THEMIS: variants seen among roughly 807,000 people sequenced by gnomAD.
THEMIS encodes the protein thymocyte selection associated, also known as protein THEMIS.
Under a neutral mutation model 52.6 loss-of-function variants are expected in THEMIS, and 37 were observed. That is an observed-to-expected ratio of 0.70 (90% CI 0.54 to 0.93). THEMIS has a LOEUF of 0.93. Ranked by LOEUF, THEMIS falls within the 40% of genes least tolerant of loss-of-function variation. The pLI is 0.00. For missense variants in THEMIS, 808 were observed against 763.1 expected, an observed-to-expected ratio of 1.06 and a Z score of -0.69; for synonymous variants, 292 against 272.7, an observed-to-expected ratio of 1.07 and a Z score of -0.70.
intron 4 of THEMIS, among the ~76,000 whole-genome samples, chr6:127,782,970 G>A (rs1241607030): frequency 2.0e-5 from 3 of 152,130 alleles, no homozygotes; most frequent in South Asian, 2.1e-4. Flanking sequence ...GAGGTATGAT[G>A]CTACCTGACT....
rs763925728 is a variant in THEMIS at position 127,813,542 on chromosome 6, C to T, written c.1099G>A (p.Val367Met). 7.4e-6 allele frequency: 12 copies of T among 1,613,068 alleles called. No homozygotes were observed. The highest frequency in any genetic ancestry group is 6.7e-5 in the East Asian group (3 of 44,868). The change falls in exon 4 of 6, where the codon GTG becomes ATG. Residue 367 changes from valine (V) to methionine (M), a missense_variant. Transcript: ENST00000368248. ...IAKSEKEPLH[V>M]VATKAFHSPH... The stretch of plus-strand genomic sequence containing the variant: ...GAATGAAACGCTTTGGTGGCCACCA[C>T]GTGAAGAGGCTCCTTTTCACTCTTA...
In THEMIS at chr6:127,709,755, C is replaced by T; in HGVS notation, c.*230G>A. ...ATAAATACGTCCTAAAGAACAACAACACAATGCCTACAGATTTAGACACAA... is the reference window on the plus strand; with the variant it reads ...ATAAATACGTCCTAAAGAACAACAATACAATGCCTACAGATTTAGACACAA... On this transcript the variant is annotated 3_prime_UTR_variant, in exon 6 of 6. Coordinates refer to ENST00000368248, the MANE Select transcript of THEMIS (RefSeq NM_001010923.3). 2.5e-6 allele frequency: 1 copy of T among 406,158 alleles called. No individual in the cohort carries two copies. The highest frequency in any genetic ancestry group is 4.4e-6 in the Non-Finnish European group (1 of 229,078). 25.2% of individuals were successfully genotyped at this position (406,158 alleles called of 1,614,324 possible). A position where few individuals can be genotyped will look rare whatever the true frequency, so the allele number is the denominator to read the frequency against.
At chr6:127,755,327 C>G (rs1032266209) in intron 4 of THEMIS, among the ~76,000 whole-genome samples, 1 of 152,134 alleles carries the variant, frequency 6.6e-6, no homozygotes, top group Middle Eastern at 3.4e-3. Flanking sequence ...GGCTTCCCAG[C>G]CTAAAGAAGC....
intron 5 of THEMIS, 74 bp from the exon 6 acceptor site, chr6:127,710,090 A>G: frequency 9.5e-6 from 10 of 1,053,888 alleles, no homozygotes; most frequent in South Asian, 1.5e-5. Context: ...CCTGCTTTCA[A>G]ATACTGTCGA....
At chr6:127,738,291 A>G (rs1276330156) in intron 4 of THEMIS, among the ~76,000 whole-genome samples, 1 of 152,196 alleles carries the variant, frequency 6.6e-6, no homozygotes, top group Non-Finnish European at 1.5e-5. Context: ...CCAATTGCCA[A>G]ATAATGTAGC....
intron 1 of THEMIS, among the ~76,000 whole-genome samples, chr6:127,913,417 T>C (rs1781454616): frequency 6.6e-6 from 1 of 152,206 alleles, no homozygotes; most frequent in African/African-American, 2.4e-5. Flanking sequence ...CTACTTTGAT[T>C]GGATGCACTC....
At chr6:127,871,639 T>C (rs140478243) in intron 1 of THEMIS, among the ~76,000 whole-genome samples, 104 of 152,142 alleles carry the variant, frequency 6.8e-4, no homozygotes, top group African/African-American at 2.4e-3. Flanking sequence ...CATTCAGACA[T>C]CAAAAATGTA....
chr6:127,788,020 T>G (rs1216379735), intron 4 of THEMIS, among the ~76,000 whole-genome samples: 2 of 132,606 alleles, frequency 1.5e-5, no homozygotes, highest in African/African-American at 5.7e-5. Flanking sequence ...TATGAGAGAC[T>G]AATGTTATCC....
intron 2 of THEMIS, among the ~76,000 whole-genome samples, chr6:127,852,752 A>G (rs1779473501): frequency 1.3e-5 from 2 of 151,600 alleles, no homozygotes; most frequent in South Asian, 2.1e-4. Context: ...GTGCTGATGT[A>G]GAAGAATTAT....
At position 127,733,179 on chromosome 6, in the gene THEMIS, G is replaced by C. The variant is rs145233658; in HGVS notation, c.1759-13356C>G. ...AACTATTTGAGTTTTTGCCCACTTT[G>C]TCTATTGTGCTATTTGTATTTTTGT... On this transcript the variant is annotated intron_variant, in intron 4 of 5. Transcript: ENST00000368248. Among the ~76,000 whole-genome samples the C allele has an allele frequency of 1.2e-4, 18 of 152,168 alleles. No individual in the cohort carries two copies. In the East Asian group the frequency reaches 3.1e-3, roughly 26 times the overall value.
intron 4 of THEMIS, among the ~76,000 whole-genome samples, chr6:127,740,672 T>C (rs2114274142): frequency 6.6e-6 from 1 of 152,302 alleles, no homozygotes; most frequent in Middle Eastern, 3.4e-3. Flanking sequence ...AGCTAGTATG[T>C]GCTTACAAAT....
At chr6:127,720,650 G>A (rs1774330579) in intron 4 of THEMIS, among the ~76,000 whole-genome samples, 1 of 151,940 alleles carries the variant, frequency 6.6e-6, no homozygotes, top group Non-Finnish European at 1.5e-5. Flanking sequence ...CTAAAGGATA[G>A]TATAATGGAC....
At chr6:127,812,756 C>G in intron 4 of THEMIS, 127 bp downstream of exon 4, 1 of 933,340 alleles carries the variant, frequency 1.1e-6, no homozygotes. Context: ...TACTGCACAT[C>G]AGAAAAGCTC....
At chr6:127,808,763 T>C (rs1224068293) in intron 4 of THEMIS, among the ~76,000 whole-genome samples, 1 of 151,530 alleles carries the variant, frequency 6.6e-6, no homozygotes, top group African/African-American at 2.4e-5. Context: ...CACCAATCTA[T>C]TTTTTTTTCT....
chr6:127,755,395 C>G (rs1369846481), intron 4 of THEMIS, among the ~76,000 whole-genome samples: 3 of 152,150 alleles, frequency 2.0e-5, no homozygotes, highest in Non-Finnish European at 4.4e-5. Context: ...TGTGAAGCTT[C>G]CAATAAAATG....
At chr6:127,782,966 T>G (rs1583271998) in intron 4 of THEMIS, among the ~76,000 whole-genome samples, 1 of 152,292 alleles carries the variant, frequency 6.6e-6, no homozygotes, top group East Asian at 1.9e-4. Context: ...GCTGGAGGTA[T>G]GATGCTACCT....
intron 1 of THEMIS, among the ~76,000 whole-genome samples, chr6:127,879,319 T>A (rs1780407985): frequency 6.6e-6 from 1 of 152,094 alleles, no homozygotes; most frequent in African/African-American, 2.4e-5. Context: ...TTTTTGAGAG[T>A]TAGGGCCATG....
At chr6:127,847,896 A>G (rs1779274147) in intron 2 of THEMIS, among the ~76,000 whole-genome samples, 2 of 148,322 alleles carry the variant, frequency 1.3e-5, no homozygotes, top group African/African-American at 4.9e-5. Flanking sequence ...TCAAATTATT[A>G]TTATTATTAT....
intron 5 of THEMIS, among the ~76,000 whole-genome samples, chr6:127,714,690 G>C (rs1178597097): frequency 2.0e-5 from 3 of 151,928 alleles, no homozygotes; most frequent in African/African-American, 7.2e-5. Context: ...TTAGAGCTTA[G>C]TCTTGGGTCT....
Sources: gnomAD v4.1 joint callset for allele counts (sites outside exome capture counted in the v4.1 genomes callset) on GRCh38, gnomAD v4.1.1 for gene constraint, MANE v1.5 for transcripts, NCBI Gene and HGNC (gene_info 2026-07-23, HGNC 2026-07-21) for gene names.